SIRPD: variants seen among roughly 807,000 people sequenced by gnomAD.
SIRPD encodes signal-regulatory protein delta.
In SIRPD, 21 loss-of-function variants were observed where a neutral mutation model predicts 18.0. That is an observed-to-expected ratio of 1.17 (90% confidence interval 0.83 to 1.68). The LOEUF is 1.68. Among genes scored for constraint, SIRPD ranks in the 40% most tolerant of loss-of-function variants. The pLI, the probability that SIRPD is intolerant of heterozygous loss-of-function variation, is 0.00. For missense variants in SIRPD, 295 were observed against 238.4 expected (o/e 1.24, Z -1.56); for synonymous variants, 106 against 92.9 (o/e 1.14, Z -0.81).
chr20:1,543,337 A>G (rs1568667302), intron 2 of SIRPD, among the ~76,000 whole-genome samples: 1 of 152,190 alleles, frequency 6.6e-6, no homozygotes, highest in African/African-American at 2.4e-5. Flanking sequence ...CAGGGATTCA[A>G]CTTCTTCCTG....
At chr20:1,540,228 G>A (rs953918112) in intron 2 of SIRPD, 11 of 444,930 alleles carry the variant, frequency 2.5e-5, no homozygotes, top group African/African-American at 1.4e-4. Flanking sequence ...AAAAGAGAAA[G>A]GGAATATGTT....
At position 1,537,143 on chromosome 20, in the gene SIRPD, G is replaced by T. The variant is rs1311444936; in HGVS notation, c.577+12C>A. The T allele has an allele frequency of 6.2e-7, 1 of 1,612,746 alleles. No individual in the cohort carries two copies. ...TCCCTGCATCATGGTACCTGAGGGTGGGGGCACTCACCTGTGAGTCCCAGC... is the reference window on the plus strand; with the variant it reads ...TCCCTGCATCATGGTACCTGAGGGTTGGGGCACTCACCTGTGAGTCCCAGC... On this transcript the variant is annotated intron_variant, in intron 3 of 3. Coordinates refer to ENST00000381623, the MANE Select transcript of SIRPD (RefSeq NM_178460.3).
chr20:1,536,423 G>C (rs1344668940), intron 3 of SIRPD, among the ~76,000 whole-genome samples: 1 of 137,474 alleles, frequency 7.3e-6, no homozygotes, highest in South Asian at 2.6e-4. Flanking sequence ...TTTTTTTAAT[G>C]CCTGTGCTTT....
At chr20:1,553,641 C>T (rs1273770920) in intron 1 of SIRPD, among the ~76,000 whole-genome samples, 1 of 152,180 alleles carries the variant, frequency 6.6e-6, no homozygotes, top group Non-Finnish European at 1.5e-5. Flanking sequence ...ATGCAGTGCA[C>T]ACATGTAGTT....
At chr20:1,551,290 C>A (rs1291335117) in intron 2 of SIRPD, among the ~76,000 whole-genome samples, 3 of 152,192 alleles carry the variant, frequency 2.0e-5, no homozygotes, top group Non-Finnish European at 2.9e-5. Context: ...TTGCTTGTTT[C>A]CAGCCAACAA....
rs530915757 is a variant in SIRPD, at chr20:1,541,141, C to T, written c.422-3831G>A. Among the ~76,000 whole-genome samples the T allele has an allele frequency of 1.1e-3, 165 of 152,148 alleles. 1 individual carries two copies. Among genetic ancestry groups the T allele is most frequent in the Non-Finnish European group, 1.9e-3 (130 of 67,982 alleles). Reference sequence around the variant, plus strand: ...TATAGTAGAATGATTATAATCCTTTCGGTATATACCCAGTAATGGGATTGC... The same window carrying T: ...TATAGTAGAATGATTATAATCCTTTTGGTATATACCCAGTAATGGGATTGC... On this transcript the variant is annotated intron_variant, in intron 2 of 3. Coordinates refer to ENST00000381623, the MANE Select transcript of SIRPD (RefSeq NM_178460.3).
chr20:1,537,410 T>A lies in SIRPD; in HGVS notation c.422-100A>T, dbSNP rs1489833555. On this transcript the variant is annotated intron_variant, in intron 2 of 3. Transcript: ENST00000381623. The stretch of plus-strand genomic sequence containing the variant: ...ATTATGACCGTTCCAGTTTCTAGAT[T>A]GTGAAATAGGAATCAGACACAAGCT... 4.5e-6 allele frequency: 6 copies of A among 1,335,930 alleles called. No homozygotes were observed. The East Asian group carries it at 1.4e-4, about 31-fold the overall frequency. The allele number at this position is 1,335,930 out of a possible 1,614,324, so 82.8% of individuals were successfully genotyped here. A position where few individuals can be genotyped will look rare whatever the true frequency, so the allele number is the denominator to read the frequency against.
chr20:1,539,814 C>G (rs1045259571), intron 2 of SIRPD, among the ~76,000 whole-genome samples: 3 of 152,188 alleles, frequency 2.0e-5, no homozygotes, highest in Non-Finnish European at 4.4e-5. Flanking sequence ...TATCTGATGT[C>G]TTCAGCCAGT....
rs1182169699 is a variant in SIRPD, at chr20:1,537,233, G to A, written c.499C>T (p.Leu167Phe). ...SRAHHDAHTC[L>F]SALPERNSTN... is the part of the protein sequence containing the mutation. ...CTGTTTCTCTCAGGCAGGGCCGAGA[G>A]GCAGGTATGGGCATCATGGTGGGCC... The change falls in exon 3 of 4, where the codon CTC (leucine) becomes TTC (phenylalanine). Residue 167 changes from leucine (L) to phenylalanine (F), a missense_variant. Transcript: ENST00000381623. The A allele has an allele frequency of 4.3e-6, 7 of 1,614,006 alleles. No individual in the cohort carries two copies. In the Admixed American group the frequency reaches 8.3e-5, roughly 19 times the overall value.
At position 1,557,701 on chromosome 20, in the gene SIRPD, T is replaced by C. The variant is rs199563433; in HGVS notation, c.-48A>G. On this transcript the variant is annotated 5_prime_UTR_variant, in exon 1 of 4. Coordinates refer to ENST00000381623, the MANE Select transcript of SIRPD (RefSeq NM_178460.3). ...TCTGCCTGAATGCCTGTCCTGGAGATGCCCTCGACTCAGTGCTCCGAGCAG... is the reference window on the plus strand; with the variant it reads ...TCTGCCTGAATGCCTGTCCTGGAGACGCCCTCGACTCAGTGCTCCGAGCAG... 7.6e-6 allele frequency: 12 copies of C among 1,579,702 alleles called. No individual in the cohort carries two copies. The East Asian group carries it at 2.8e-4, about 36-fold the overall frequency.
At chr20:1,542,651 C>G (rs1855582618) in intron 2 of SIRPD, among the ~76,000 whole-genome samples, 1 of 152,114 alleles carries the variant, frequency 6.6e-6, no homozygotes, top group Non-Finnish European at 1.5e-5. Flanking sequence ...GCCTGATTGC[C>G]CCAGCCTGTA....
At position 1,551,866 on chromosome 20, in the gene SIRPD, G is replaced by A; in HGVS notation, c.246C>T (p.Asn82=). ...RKLIYNFKQG[N]FPRVKEIGDT... ...CTCCAATCTCTTTTACTCTGGGAAA[G>A]TTACCTTGTTTGAAATTGTAGATTA... The change falls in exon 2 of 4, where the codon AAC becomes AAT. Residue 82 remains asparagine, a synonymous_variant. Coordinates refer to ENST00000381623, the MANE Select transcript of SIRPD (RefSeq NM_178460.3). The A allele has an allele frequency of 6.2e-7, 1 of 1,614,098 alleles. No homozygotes were observed. The highest frequency in any genetic ancestry group is 8.5e-7 in the Non-Finnish European group (1 of 1,179,992).
rs1348031577 is a variant in SIRPD, at chr20:1,552,699, C to T, written c.74-661G>A. ...CTTTACCCTCCTACACAGTCATCATCACTACCCTACAATGTGTCAGGTCCT... is the reference window on the plus strand; with the variant it reads ...CTTTACCCTCCTACACAGTCATCATTACTACCCTACAATGTGTCAGGTCCT... On this transcript the variant is annotated intron_variant, in intron 1 of 3. Coordinates refer to ENST00000381623, the MANE Select transcript of SIRPD (RefSeq NM_178460.3). Among the ~76,000 whole-genome samples, 3 of 152,260 alleles carry T rather than the reference C, an allele frequency of 2.0e-5. No homozygotes were observed. The East Asian group carries it at 5.8e-4, about 29-fold the overall frequency.
chr20:1,551,802 T>C lies in SIRPD; in HGVS notation c.310A>G (p.Ile104Val). The C allele has an allele frequency of 6.2e-7, 1 of 1,614,098 alleles. No homozygotes were observed. The highest frequency in any genetic ancestry group is 1.1e-5 in the South Asian group (1 of 91,086). ...GCATCAGCAAGAGAGATTTCACGGA[T>C]GCGGGTGGAAAAGTCTGTGTTGCCA... ...KPGNTDFSTRIREISLADAGT... is the reference protein window; with the variant it reads ...KPGNTDFSTRVREISLADAGT... The change falls in exon 2 of 4, where the codon ATC becomes GTC. Residue 104 changes from isoleucine to valine, a missense_variant. Transcript: ENST00000381623.
chr20:1,554,978 G>A (rs1600075058), intron 1 of SIRPD, among the ~76,000 whole-genome samples: 1 of 152,228 alleles, frequency 6.6e-6, no homozygotes, highest in East Asian at 1.9e-4. Context: ...CACTGACATT[G>A]AGTTCATGGC....
intron 1 of SIRPD, among the ~76,000 whole-genome samples, chr20:1,556,622 A>G (rs2091042474): frequency 6.6e-6 from 1 of 152,206 alleles, no homozygotes; most frequent in Admixed American, 6.5e-5. Context: ...AATATGGTGG[A>G]TGTTTTTATA....
At chr20:1,538,952 G>A (rs1386048998) in intron 2 of SIRPD, among the ~76,000 whole-genome samples, 7 of 152,032 alleles carry the variant, frequency 4.6e-5, no homozygotes, top group African/African-American at 1.4e-4. Flanking sequence ...TTGTGTTTTG[G>A]GGTGTTTTGC....
intron 1 of SIRPD, 119 bp from the exon 2 acceptor site, chr20:1,552,157 TGAGTA>T (rs1462805826): frequency 1.2e-6 from 1 of 827,336 alleles, no homozygotes; most frequent in Non-Finnish European, 1.9e-6. Context: ...GCCCATGCAT[TGAGTA>T]AAGAGAGGCC....
At chr20:1,537,361 A>G (rs1014659264) in intron 2 of SIRPD, 51 bp from the exon 3 acceptor site, 3 of 1,572,122 alleles carry the variant, frequency 1.9e-6, no homozygotes, top group African/African-American at 2.7e-5. Context: ...GGAAGTTACT[A>G]TGATGGGAGG....
Sources: allele counts gnomAD v4.1 joint callset (sites outside exome capture counted in the v4.1 genomes callset), GRCh38; gene constraint gnomAD v4.1.1; transcripts MANE v1.5; gene names NCBI Gene and HGNC (gene_info 2026-07-23, HGNC 2026-07-21).